RNF150: variants seen among roughly 807,000 people sequenced by gnomAD.
RNF150 encodes ring finger protein 150.
Under a neutral mutation model 39.3 loss-of-function variants are expected in RNF150, and 24 were observed. The observed-to-expected ratio is 0.61, with a 90% confidence interval of 0.44 to 0.86. The LOEUF is 0.86. RNF150 is among the 40% of genes least tolerant of loss of function. RNF150 has a pLI of 0.00. For synonymous variants in RNF150, 255 were observed against 227.3 expected (o/e 1.12, Z -1.10); for missense variants, 502 against 587.8 (o/e 0.85, Z 1.51).
intron 1 of RNF150, among the ~76,000 whole-genome samples, chr4:141,013,524 C>T (rs1051463925): frequency 6.6e-6 from 1 of 152,158 alleles, no homozygotes; most frequent in African/African-American, 2.4e-5. Flanking sequence ...CAAAGAGTGG[C>T]TCTTCTAAGT....
intron 1 of RNF150, among the ~76,000 whole-genome samples, chr4:141,122,496 A>G (rs1454463077): frequency 6.6e-6 from 1 of 152,252 alleles, no homozygotes; most frequent in African/African-American, 2.4e-5. Context: ...ACGGGCTATT[A>G]TAAAAGAAAC....
At chr4:140,946,619 C>T (rs779127767) in intron 4 of RNF150, among the ~76,000 whole-genome samples, 2 of 152,070 alleles carry the variant, frequency 1.3e-5, no homozygotes, top group Non-Finnish European at 2.9e-5. Flanking sequence ...CCTGAGTAGC[C>T]AGGATTACAG....
At chr4:141,024,404 T>G (rs1482844222) in intron 1 of RNF150, among the ~76,000 whole-genome samples, 1 of 152,162 alleles carries the variant, frequency 6.6e-6, no homozygotes, top group Non-Finnish European at 1.5e-5. Context: ...ATGTTAGATA[T>G]TTAATTAAAC....
intron 4 of RNF150, among the ~76,000 whole-genome samples, chr4:140,932,415 T>C (rs1252804075): frequency 3.9e-5 from 6 of 152,208 alleles, no homozygotes; most frequent in Non-Finnish European, 7.3e-5. Flanking sequence ...TTATTATTTC[T>C]GTCTTATGGA....
chr4:140,945,605 T>C (rs1732272287), intron 4 of RNF150, among the ~76,000 whole-genome samples: 1 of 36,788 alleles, frequency 2.7e-5, no homozygotes, highest in Non-Finnish European at 9.8e-5. Flanking sequence ...CATATATACA[T>C]ATATATACTA....
Position 141,061,970 on chromosome 4 carries a change from A to C in RNF150, c.484+70355T>G, listed in dbSNP as rs142639047. On this transcript the variant is annotated intron_variant, in intron 1 of 6. Transcript: ENST00000515673. Reference sequence around the variant, plus strand: ...TTAAAATATTTCAGGAAAGAGAATAAATCTGATAATTATGAGACACAAAAA... The same window carrying C: ...TTAAAATATTTCAGGAAAGAGAATACATCTGATAATTATGAGACACAAAAA... Among the ~76,000 whole-genome samples the C allele has an allele frequency of 3.5e-3, 526 of 152,270 alleles. 3 individuals are homozygous for C. The highest frequency in any genetic ancestry group is 0.012 in the African/African-American group (496 of 41,558).
At chr4:140,901,005 G>A (rs1730167851) in intron 6 of RNF150, among the ~76,000 whole-genome samples, 1 of 152,132 alleles carries the variant, frequency 6.6e-6, no homozygotes, top group Non-Finnish European at 1.5e-5. Flanking sequence ...CCAAAGTCAT[G>A]CAGTTTTCTC....
intron 4 of RNF150, among the ~76,000 whole-genome samples, chr4:140,926,566 C>A (rs942299523): frequency 6.6e-6 from 1 of 152,138 alleles, no homozygotes; most frequent in African/African-American, 2.4e-5. Flanking sequence ...AACACCAATG[C>A]CATTTTAAGT....
At chr4:141,147,127 G>T (rs999963060) in intron 1 of RNF150, among the ~76,000 whole-genome samples, 3 of 152,154 alleles carry the variant, frequency 2.0e-5, no homozygotes, top group Non-Finnish European at 4.4e-5. Context: ...GCTAATCATT[G>T]TATTATTCAC....
chr4:140,948,868 T>C (rs1475377963), intron 3 of RNF150, among the ~76,000 whole-genome samples: 1 of 152,218 alleles, frequency 6.6e-6, no homozygotes, highest in African/African-American at 2.4e-5. Context: ...GAAAAAACTT[T>C]CTCAGGTCAT....
At chr4:141,160,324 G>T (rs772418230) in intron 1 of RNF150, among the ~76,000 whole-genome samples, 1 of 152,126 alleles carries the variant, frequency 6.6e-6, no homozygotes. Context: ...GTGACTGAAG[G>T]AATTAGAAAT....
rs560101500 is a variant in RNF150 at position 140,867,335 on chromosome 4, A to G, written c.*926T>C. 1.3e-5 allele frequency: 2 copies of G among 152,238 alleles called. No homozygotes were observed. The highest frequency in any genetic ancestry group is 2.9e-5 in the Non-Finnish European group (2 of 68,038). The allele number at this position is 152,238 out of a possible 1,614,324, so 9.4% of individuals were successfully genotyped here. ...AACTGTTCTAGCCCAGGGGAAACCA[A>G]TGCAACTGGCATTTTGTTTTCAATA... On this transcript the variant is annotated 3_prime_UTR_variant, in exon 7 of 7. Transcript: ENST00000515673.
intron 1 of RNF150, among the ~76,000 whole-genome samples, chr4:141,139,050 A>T (rs1727072455): frequency 6.6e-6 from 1 of 152,104 alleles, no homozygotes; most frequent in African/African-American, 2.4e-5. Context: ...TACAAAAAGA[A>T]GACAAAGAAA....
chr4:141,025,647 A>G (rs927740110), intron 1 of RNF150, among the ~76,000 whole-genome samples: 2 of 152,178 alleles, frequency 1.3e-5, no homozygotes, highest in Non-Finnish European at 2.9e-5. Flanking sequence ...GATACATAAA[A>G]AGTAGACCAA....
intron 2 of RNF150, among the ~76,000 whole-genome samples, chr4:140,951,019 T>A (rs550491078): frequency 2.6e-5 from 4 of 152,242 alleles, no homozygotes; most frequent in Admixed American, 2.6e-4. Context: ...AGAACTGAAC[T>A]GAGGTGAACT....
intron 1 of RNF150, among the ~76,000 whole-genome samples, chr4:141,046,676 T>A (rs1736588071): frequency 1.3e-5 from 2 of 152,328 alleles, no homozygotes; most frequent in South Asian, 4.1e-4. Flanking sequence ...AGCTGAGGAT[T>A]AATTCAACTC....
rs187133256 is a variant in RNF150, at chr4:140,976,127, G to T, written c.485-8254C>A. Among the ~76,000 whole-genome samples, 166 of 152,182 alleles carry T rather than the reference G, an allele frequency of 1.1e-3. 1 individual carries two copies. The highest frequency in any genetic ancestry group is 3.8e-3 in the African/African-American group (158 of 41,540). On this transcript the variant is annotated intron_variant, in intron 1 of 6. Coordinates refer to ENST00000515673, the MANE Select transcript of RNF150 (RefSeq NM_020724.2). ...TTTCTCTGCATTACGGTGAAGGAAA[G>T]AATTTTTTAAATTAAATTTATTTTT...
At chr4:141,187,893 T>C (rs961550318) in intron 1 of RNF150, among the ~76,000 whole-genome samples, 2 of 152,224 alleles carry the variant, frequency 1.3e-5, no homozygotes, top group African/African-American at 4.8e-5. Context: ...TGTCTCATGA[T>C]GTTAGCTGGT....
intron 1 of RNF150, among the ~76,000 whole-genome samples, chr4:141,090,456 A>G (rs1738538322): frequency 6.6e-6 from 1 of 152,210 alleles, no homozygotes; most frequent in Admixed American, 6.5e-5. Context: ...TAGATGGGAA[A>G]AAACCCACCT....
Sources: gnomAD v4.1 joint callset for allele counts (sites outside exome capture counted in the v4.1 genomes callset) on GRCh38, gnomAD v4.1.1 for gene constraint, MANE v1.5 for transcripts, NCBI Gene and HGNC (gene_info 2026-07-23, HGNC 2026-07-21) for gene names.